KHK: variants seen among roughly 807,000 people sequenced by gnomAD.
KHK encodes the protein ketohexokinase, also known as fructokinase.
A neutral mutation model predicts 36.0 loss-of-function variants in KHK; 37 were observed. That is an observed-to-expected ratio of 1.03 (90% CI 0.79 to 1.35). The LOEUF (loss-of-function observed/expected upper bound fraction) is 1.35. Ranked by LOEUF, KHK falls within the 40% of genes most tolerant of loss-of-function variation. KHK has a pLI of 0.00. For synonymous variants in KHK, 161 were observed against 162.8 expected (o/e 0.99, Z 0.08); for missense variants, 395 against 391.9 (o/e 1.01, Z -0.07).
In KHK at chr2:27,099,709, G is replaced by GGCAAGAAGTGTGGCCT. The variant is rs1670675736; in HGVS notation, c.860_875dup (p.Gly293GlufsTer8). ...ACTGAGATTCGGGTGCCAGGTGGCCGGCAAGAAGTGTGGCCTGCAGGGCTT... is the reference window on the plus strand; with the variant it reads ...ACTGAGATTCGGGTGCCAGGTGGCCGGCAAGAAGTGTGGCCTGCAAGAAGTGTGGCCTGCAGGGCTT... On this transcript the variant is annotated frameshift_variant, in exon 8 of 8. Coordinates refer to ENST00000260598, the MANE Select transcript of KHK (RefSeq NM_006488.3). LOFTEE classifies it high-confidence loss of function. The GGCAAGAAGTGTGGCCT allele has an allele frequency of 1.2e-6, 2 of 1,614,132 alleles. No individual in the cohort carries two copies. The highest frequency in any genetic ancestry group is 1.7e-6 in the Non-Finnish European group (2 of 1,180,022).
chr2:27,094,631 C>T (rs764363512), intron 2 of KHK, 169 bp from the exon 3 acceptor site: 3 of 1,614,038 alleles, frequency 1.9e-6, no homozygotes, highest in Non-Finnish European at 2.5e-6. Context: ...ACTGTCTGTG[C>T]CTTGCCAGCT....
rs554901179 is a variant in KHK at position 27,099,379 on chromosome 2, CG to C, written c.654-37del. On this transcript the variant is annotated intron_variant, in intron 6 of 7. Coordinates refer to ENST00000260598, the MANE Select transcript of KHK (RefSeq NM_006488.3). ...GGAGCTGGGAGGATGGCTGGGGGGACGGGGTGGGCTAACACCCAGCTGAGTG... is the reference window on the plus strand; with the variant it reads ...GGAGCTGGGAGGATGGCTGGGGGGACGGGTGGGCTAACACCCAGCTGAGTG... 4.6e-4 allele frequency: 742 copies of C among 1,611,354 alleles called. 5 individuals are homozygous for C. The African/African-American group carries it at 8.9e-3, about 19-fold the overall frequency.
chr2:27,092,188 G>C, intron 1 of KHK, 144 bp from the exon 2 acceptor site: 1 of 763,222 alleles, frequency 1.3e-6, no homozygotes, highest in South Asian at 1.4e-5. Flanking sequence ...GCCGGCCTCG[G>C]CTGCCCCGGG....
rs1374274539 is a variant in KHK, at chr2:27,098,948, C to A, written c.565-248C>A. On this transcript the variant is annotated intron_variant, in intron 5 of 7. Transcript: ENST00000260598. ...GTGCAGTGACTCACACCTGTAATCC[C>A]AGAAATTTTGGGAGGCTGAGGCAGG... is the stretch of plus-strand genomic sequence containing the variant. 23 of 483,560 alleles carry A rather than the reference C, an allele frequency of 4.8e-5. No homozygotes were observed. In the Admixed American group the frequency reaches 7.1e-4, roughly 15 times the overall value. The allele number at this position is 483,560 out of a possible 1,614,324, so 30.0% of individuals were successfully genotyped here.
At chr2:27,095,828 C>G (rs2148354780) in intron 3 of KHK, among the ~76,000 whole-genome samples, 1 of 152,332 alleles carries the variant, frequency 6.6e-6, no homozygotes, top group Non-Finnish European at 1.5e-5. Flanking sequence ...ATATGTGCTA[C>G]AGGTGACCTT....
intron 3 of KHK, among the ~76,000 whole-genome samples, chr2:27,096,162 T>C (rs1392403401): frequency 6.7e-6 from 1 of 149,762 alleles, no homozygotes; most frequent in East Asian, 2.0e-4. Flanking sequence ...CTCAGGAGGG[T>C]CAAGGCAGAC....
At chr2:27,090,919 G>A (rs1256469576) in intron 1 of KHK, among the ~76,000 whole-genome samples, 2 of 152,024 alleles carry the variant, frequency 1.3e-5, no homozygotes, top group Non-Finnish European at 2.9e-5. Context: ...AGCGGGGCAT[G>A]GTGATGCACA....
intron 1 of KHK, among the ~76,000 whole-genome samples, 154 bp downstream of exon 1, chr2:27,087,505 T>C (rs1669730308): frequency 6.6e-6 from 1 of 152,176 alleles, no homozygotes; most frequent in Non-Finnish European, 1.5e-5. Context: ...CTGGGGGGGC[T>C]CCCAGCATGA....
intron 1 of KHK, among the ~76,000 whole-genome samples, chr2:27,090,090 G>A (rs1669898975): frequency 1.3e-5 from 2 of 152,196 alleles, no homozygotes; most frequent in African/African-American, 4.8e-5. Context: ...GACGTCAGGC[G>A]ATCCGCCTGC....
chr2:27,097,133 A>G (rs1670406152), intron 4 of KHK, among the ~76,000 whole-genome samples: 1 of 152,192 alleles, frequency 6.6e-6, no homozygotes. Context: ...CCTCTGGGGA[A>G]GCAGGAAGGA....
Position 27,087,349 on chromosome 2 carries a change from A to C in KHK, c.90A>C (p.Ile30=). 1 of 1,585,598 alleles carries C rather than the reference A, an allele frequency of 6.3e-7. No individual in the cohort carries two copies. Among genetic ancestry groups the C allele is most frequent in the Non-Finnish European group, 8.6e-7 (1 of 1,165,194 alleles). The change falls in exon 1 of 8, where the codon ATA becomes ATC. Residue 30 remains isoleucine (I), a splice_region_variant and synonymous_variant. Coordinates refer to ENST00000260598, the MANE Select transcript of KHK (RefSeq NM_006488.3). ...VDKYPKEDSE[I]RCLSQRWQRG... The stretch of plus-strand genomic sequence containing the variant: ...AGTACCCTAAGGAGGACTCGGAGAT[A>C]AGGTAGGGGCGCCCAGGTCCCCTAG...
chr2:27,087,580 C>T (rs1394738529), intron 1 of KHK, among the ~76,000 whole-genome samples: 1 of 151,954 alleles, frequency 6.6e-6, no homozygotes, highest in African/African-American at 2.4e-5. Context: ...ATCGTGTTAG[C>T]CAATTTCCAT....
At chr2:27,092,199 TACAAAGTGAG>T in intron 1 of KHK, 123 bp from the exon 2 acceptor site, 1 of 803,668 alleles carries the variant, frequency 1.2e-6, no homozygotes, top group East Asian at 2.4e-5. Context: ...CTGCCCCGGG[TACAAAGTGAG>T]ACGTCGGCCT....
intron 5 of KHK, chr2:27,098,899 C>T (rs1297044663): frequency 1.8e-5 from 7 of 386,090 alleles, no homozygotes; most frequent in Admixed American, 1.5e-4. Context: ...ATATAAGCAT[C>T]GATAAAAATA....
intron 5 of KHK, 55 bp downstream of exon 5, chr2:27,097,704 G>A: frequency 6.2e-7 from 1 of 1,610,772 alleles, no homozygotes; most frequent in South Asian, 1.1e-5. Context: ...GGTTCTTAAA[G>A]GGAGCCAGAA....
At chr2:27,093,760 GC>G (rs1435050454) in intron 2 of KHK, among the ~76,000 whole-genome samples, 1 of 152,230 alleles carries the variant, frequency 6.6e-6, no homozygotes, top group Non-Finnish European at 1.5e-5. Context: ...AAGGGCTGGG[GC>G]TGACCTCCTT....
chr2:27,088,799 G>A (rs776830109), intron 1 of KHK, among the ~76,000 whole-genome samples: 2 of 152,124 alleles, frequency 1.3e-5, no homozygotes, highest in East Asian at 1.9e-4. Context: ...TCTGTGGGGC[G>A]GGACACTAGC....
In KHK at chr2:27,099,812, C is replaced by T; in HGVS notation, c.*62C>T. ...CCATTGCGGCTGCATCGCCTTCTCC[C>T]CTCCATCCAGCCTGGCGTCCAGGTT... On this transcript the variant is annotated 3_prime_UTR_variant, in exon 8 of 8. Transcript: ENST00000260598. The T allele has an allele frequency of 6.3e-7, 1 of 1,584,340 alleles. No homozygotes were observed. Among genetic ancestry groups the T allele is most frequent in the African/African-American group, 1.3e-5 (1 of 74,164 alleles).
chr2:27,090,580 G>A (rs929535449), intron 1 of KHK, among the ~76,000 whole-genome samples: 6 of 148,310 alleles, frequency 4.0e-5, no homozygotes, highest in Admixed American at 1.4e-4. Flanking sequence ...TCAGCCTCCC[G>A]AGTAGCAGGG....
Sources: gnomAD v4.1 joint callset for allele counts (sites outside exome capture counted in the v4.1 genomes callset) on GRCh38, gnomAD v4.1.1 for gene constraint, MANE v1.5 for transcripts, NCBI Gene and HGNC (gene_info 2026-07-23, HGNC 2026-07-21) for gene names.